Variants in RIMBP2 observed in about 807,000 individuals in gnomAD.
RIMBP2 encodes RIMS binding protein 2, also known as RIMS-binding protein 2.
A neutral mutation model predicts 118.6 loss-of-function variants in RIMBP2; 48 were observed. That is an observed-to-expected ratio of 0.40 (90% CI 0.32 to 0.51). The LOEUF is 0.51. RIMBP2 is among the 20% of genes least tolerant of loss of function. The probability of loss-of-function intolerance (pLI) is 0.41; values close to 1 mark genes in which losing one functional copy is unlikely to be tolerated. For synonymous variants in RIMBP2, 762 were observed against 742.9 expected (o/e 1.03, Z -0.42); for missense variants, 1,551 against 1,768.3 (o/e 0.88, Z 2.20).
intron 1 of RIMBP2, among the ~76,000 whole-genome samples, chr12:130,711,868 G>A (rs535690155): frequency 1.9e-4 from 29 of 152,326 alleles, no homozygotes; most frequent in South Asian, 8.3e-4. Flanking sequence ...ACACACGCCC[G>A]GGCCGCACAG....
chr12:130,693,716 G>A (rs2065441882), intron 1 of RIMBP2, among the ~76,000 whole-genome samples: 1 of 152,224 alleles, frequency 6.6e-6, no homozygotes, highest in African/African-American at 2.4e-5. Context: ...GTGCAGACTA[G>A]GGTGGCACAT....
intron 14 of RIMBP2, among the ~76,000 whole-genome samples, chr12:130,433,110 C>T (rs1232919800): frequency 3.3e-5 from 5 of 152,144 alleles, no homozygotes; most frequent in Non-Finnish European, 2.9e-5. Context: ...CATTTACAAC[C>T]CAGACCACGC....
At chr12:130,665,462 T>A (rs1405694322) in intron 1 of RIMBP2, among the ~76,000 whole-genome samples, 1 of 150,424 alleles carries the variant, frequency 6.6e-6, no homozygotes, top group Non-Finnish European at 1.5e-5. Context: ...GAGGCAGAGG[T>A]TGAATTGAGC....
Position 130,605,928 on chromosome 12 carries a change from C to T in RIMBP2, c.-217+22394G>A, listed in dbSNP as rs141886216. Among the ~76,000 whole-genome samples, 786 of 152,142 alleles carry T rather than the reference C, an allele frequency of 5.2e-3. 3 individuals carry two copies. The highest frequency in any genetic ancestry group is 0.014 in the African/African-American group (587 of 41,496). On this transcript the variant is annotated intron_variant, in intron 2 of 22. Transcript: ENST00000690449. ...AAAATTCAGAAAAAAATTAGCCAGG[C>T]ATGGTGGTGGGAGCCTGTAGTCCCA...
At chr12:130,418,563 T>G (rs914125279) in intron 17 of RIMBP2, among the ~76,000 whole-genome samples, 6 of 152,104 alleles carry the variant, frequency 3.9e-5, no homozygotes, top group Non-Finnish European at 7.4e-5. Flanking sequence ...TACGGAAAAA[T>G]GCCAGTGGAG....
At chr12:130,436,710 G>T in intron 13 of RIMBP2, 132 bp downstream of exon 13, 1 of 621,992 alleles carries the variant, frequency 1.6e-6, no homozygotes, top group East Asian at 3.4e-5. Flanking sequence ...CAGCAAAGCG[G>T]TGGGCTGAGC....
intron 2 of RIMBP2, among the ~76,000 whole-genome samples, chr12:130,587,230 G>C (rs2058949060): frequency 7.0e-6 from 1 of 143,168 alleles, no homozygotes; most frequent in African/African-American, 2.6e-5. Flanking sequence ...CACTGTTGGT[G>C]GGACTGTAAA....
intron 11 of RIMBP2, 90 bp downstream of exon 11, chr12:130,441,758 C>A: frequency 8.6e-7 from 1 of 1,168,608 alleles, no homozygotes. Flanking sequence ...GGGATTCCTG[C>A]TTCTGCCTGC....
intron 4 of RIMBP2, among the ~76,000 whole-genome samples, chr12:130,486,683 C>G (rs1399905595): frequency 6.6e-6 from 1 of 151,482 alleles, no homozygotes; most frequent in Non-Finnish European, 1.5e-5. Context: ...GCCCCCTTTC[C>G]CGCCTTGTTC....
chr12:130,447,232 G>C lies in RIMBP2; in HGVS notation c.582-1963C>G, dbSNP rs1441998045. Among the ~76,000 whole-genome samples, 1 of 152,046 alleles carries C rather than the reference G, an allele frequency of 6.6e-6. No homozygotes were observed. The highest frequency in any genetic ancestry group is 6.6e-5 in the Admixed American group (1 of 15,266). On this transcript the variant is annotated intron_variant, in intron 9 of 22. Transcript: ENST00000690449. This position sits in a 1 kb window ranked among gnomAD's most constrained non-coding sequence, Gnocchi z 4.4. ...GAGAGGGAAGCCGCGGAGGCCAAGA[G>C]GGAAGGTGAACACCGAGAAGGGTGG...
chr12:130,454,752 C>T (rs1336546266), intron 7 of RIMBP2, among the ~76,000 whole-genome samples: 1 of 152,234 alleles, frequency 6.6e-6, no homozygotes, highest in African/African-American at 2.4e-5. Flanking sequence ...TTTTTCCATG[C>T]TGGCCAATCC....
chr12:130,487,084 C>T (rs1376068440), intron 4 of RIMBP2, among the ~76,000 whole-genome samples: 1 of 152,246 alleles, frequency 6.6e-6, no homozygotes. Flanking sequence ...TCACCTCTGC[C>T]CCTTCCTCAC....
intron 1 of RIMBP2, among the ~76,000 whole-genome samples, chr12:130,667,100 GAGAAAAA>G (rs2063974063): frequency 1.7e-5 from 1 of 57,510 alleles, no homozygotes; most frequent in African/African-American, 6.9e-5. Context: ...GGGAGGATGG[GAGAAAAA>G]AAGGAATGAG....
chr12:130,675,964 G>C (rs1252379578), intron 1 of RIMBP2, among the ~76,000 whole-genome samples: 1 of 152,210 alleles, frequency 6.6e-6, no homozygotes. Context: ...TAGAGTGTGG[G>C]GCTCTCACGA....
intron 1 of RIMBP2, among the ~76,000 whole-genome samples, chr12:130,686,308 C>T (rs1365917994): frequency 6.6e-6 from 1 of 152,224 alleles, no homozygotes; most frequent in Non-Finnish European, 1.5e-5. Flanking sequence ...ACGCCTCTAC[C>T]ACGCTTCACT....
chr12:130,679,161 G>A (rs532820254), intron 1 of RIMBP2, among the ~76,000 whole-genome samples: 1 of 152,302 alleles, frequency 6.6e-6, no homozygotes, highest in South Asian at 2.1e-4. Context: ...GATAAATTGT[G>A]CGTGCGGACT....
In RIMBP2 at chr12:130,501,670, G is replaced by A. The variant is rs572769743; in HGVS notation, c.-4+4978C>T. ...TGTAATTAAAACCTGGTTTAAATAC[G>A]ACTTCGGAGCTGCCTTTGAGCCACA... On this transcript the variant is annotated intron_variant, in intron 4 of 22. Transcript: ENST00000690449. 3.9e-5 allele frequency among the ~76,000 whole-genome samples: 6 copies of A among 152,146 alleles called. No homozygotes were observed. The South Asian group carries it at 6.2e-4, about 16-fold the overall frequency.
At chr12:130,429,370 C>CA (rs2077011508) in intron 14 of RIMBP2, 1 of 152,184 alleles carries the variant, frequency 6.6e-6, no homozygotes, top group African/African-American at 2.4e-5. Context: ...AGCTTGGAGA[C>CA]AGCGACAGCC....
chr12:130,514,210 G>A lies in RIMBP2; in HGVS notation c.-127+3618C>T, dbSNP rs539009821. On this transcript the variant is annotated intron_variant, in intron 3 of 22. Transcript: ENST00000690449. ...AGCACTGCTATTCCTGTCCATGCCG[G>A]GTGAGCTGCTGGGCTCCCTCAGACA... Among the ~76,000 whole-genome samples, 6 of 152,336 alleles carry A rather than the reference G, an allele frequency of 3.9e-5. No individual in the cohort carries two copies. The East Asian group carries it at 1.2e-3, about 29-fold the overall frequency.
Sources: gnomAD v4.1 joint callset for allele counts (sites outside exome capture counted in the v4.1 genomes callset) on GRCh38, gnomAD v4.1.1 for gene constraint, Gnocchi (gnomAD v3.1) non-coding constraint, MANE v1.5 for transcripts, NCBI Gene and HGNC (gene_info 2026-07-23, HGNC 2026-07-21) for gene names.